Variants in ADCY9 observed in about 807,000 individuals in gnomAD.
ADCY9 encodes the protein adenylate cyclase 9.
In ADCY9, 50 loss-of-function variants were observed where a neutral mutation model predicts 101.5. The observed-to-expected ratio is 0.49, with a 90% CI of 0.39 to 0.62. The LOEUF is 0.62. Among genes scored for constraint, ADCY9 ranks in the 20% least tolerant of loss-of-function variants. The pLI is 0.00. For synonymous variants in ADCY9, 905 were observed against 769.3 expected (o/e 1.18, Z -2.92); for missense variants, 1,662 against 1,800.4 (o/e 0.92, Z 1.39).
chr16:4,093,988 C>T (rs1350003159), intron 2 of ADCY9, among the ~76,000 whole-genome samples: 28 of 152,090 alleles, frequency 1.8e-4, no homozygotes, highest in Admixed American at 1.8e-3. Flanking sequence ...GCTATGAAAG[C>T]AAACATTTCC....
At chr16:4,101,373 G>T (rs951962936) in intron 2 of ADCY9, among the ~76,000 whole-genome samples, 4 of 149,284 alleles carry the variant, frequency 2.7e-5, no homozygotes, top group Non-Finnish European at 4.4e-5. Flanking sequence ...TCGACCACCT[G>T]GGCTCAAACG....
rs953421412 is a variant in ADCY9, at chr16:4,115,622, C to T, written c.-44+68G>A. The T allele has an allele frequency of 6.8e-6, 5 of 730,138 alleles. No individual in the cohort carries two copies. The highest frequency in any genetic ancestry group is 1.1e-5 in the Non-Finnish European group (5 of 467,254). The allele number at this position is 730,138 out of a possible 1,614,324, so 45.2% of individuals were successfully genotyped here. On this transcript the variant is annotated intron_variant, in intron 1 of 10. Coordinates refer to ENST00000294016, the MANE Select transcript of ADCY9 (RefSeq NM_001116.4). This position sits in a 1 kb window ranked among gnomAD's most constrained non-coding sequence, Gnocchi z 6.2. ...CACCATCTGTTCCTGTGGTTCCCGG[C>T]TCAGCGGTGCTCCCACCGCCCCCAC...
At chr16:3,973,978 G>C (rs1347416865) in intron 10 of ADCY9, among the ~76,000 whole-genome samples, 1 of 152,110 alleles carries the variant, frequency 6.6e-6, no homozygotes, top group Non-Finnish European at 1.5e-5. Flanking sequence ...AATTTATTTA[G>C]AATTTATTCT....
chr16:3,973,655 C>T (rs1048270270), intron 10 of ADCY9, among the ~76,000 whole-genome samples: 1 of 151,902 alleles, frequency 6.6e-6, no homozygotes, highest in African/African-American at 2.4e-5. Flanking sequence ...CCATACCTGG[C>T]TAATTTTTAC....
chr16:4,090,743 T>A (rs2056968214), intron 2 of ADCY9, among the ~76,000 whole-genome samples: 1 of 152,006 alleles, frequency 6.6e-6, no homozygotes, highest in African/African-American at 2.4e-5. Context: ...ATACTACTTT[T>A]TTTTCAAGCT....
intron 2 of ADCY9, among the ~76,000 whole-genome samples, chr16:4,044,287 C>A (rs563123957): frequency 3.3e-5 from 5 of 152,056 alleles, no homozygotes; most frequent in Admixed American, 3.3e-4. Context: ...GCGGAGGTTG[C>A]AGTGGGCTGA....
At chr16:3,988,300 TAG>T (rs536930542) in intron 6 of ADCY9, among the ~76,000 whole-genome samples, 1 of 151,504 alleles carries the variant, frequency 6.6e-6, no homozygotes, top group Non-Finnish European at 1.5e-5. Flanking sequence ...GAGCCGGAGT[TAG>T]AGAGAGAGGT....
At chr16:4,055,170 G>A (rs556659384) in intron 2 of ADCY9, among the ~76,000 whole-genome samples, 4 of 152,252 alleles carry the variant, frequency 2.6e-5, no homozygotes, top group Non-Finnish European at 4.4e-5. Flanking sequence ...CTTCCACACC[G>A]GGAAGGGCCC....
chr16:4,113,636 G>T, intron 2 of ADCY9, 114 bp downstream of exon 2: 1 of 1,359,968 alleles, frequency 7.4e-7, no homozygotes, highest in South Asian at 1.4e-5. Flanking sequence ...CCCATGGTAA[G>T]GCATTCTGAG....
chr16:4,051,080 G>T (rs1244984943), intron 2 of ADCY9, among the ~76,000 whole-genome samples: 1 of 152,066 alleles, frequency 6.6e-6, no homozygotes, highest in Admixed American at 6.5e-5. Context: ...GGGTGTGGTG[G>T]CGCACGCCTG....
At chr16:4,087,635 G>A (rs1411564968) in intron 2 of ADCY9, among the ~76,000 whole-genome samples, 2 of 151,788 alleles carry the variant, frequency 1.3e-5, no homozygotes, top group Non-Finnish European at 2.9e-5. Flanking sequence ...GAGTCTGTGG[G>A]CATAAACACT....
rs559120093 is a variant in ADCY9 at position 4,114,953 on chromosome 16, A to G, written c.490T>C (p.Phe164Leu). 1.6e-4 allele frequency: 259 copies of G among 1,614,014 alleles called. 2 individuals carry two copies. The South Asian group carries it at 2.8e-3, about 17-fold the overall frequency. The change falls in exon 2 of 11, where the codon TTC (phenylalanine) becomes CTC (leucine). Residue 164 changes from phenylalanine (F) to leucine (L), a missense_variant. Phe to Leu is a conservative substitution (Grantham distance 22). This residue lies in a region of ADCY9 where 422 missense variants were observed against 392.0 expected (regional missense o/e 1.08). Coordinates refer to ENST00000294016, the MANE Select transcript of ADCY9 (RefSeq NM_001116.4). The surrounding 1 kb of genome is among the most constrained non-coding windows in gnomAD (Gnocchi z 4.3). ...LVCVGFFLFT[F>L]TKLYARHYAW... is the part of the protein sequence containing the mutation. ...TAATGCCGGGCGTACAGCTTGGTGA[A>G]GGTAAACAGAAAGAAGCCCACACAC...
At chr16:4,024,764 C>T (rs1380629570) in intron 2 of ADCY9, among the ~76,000 whole-genome samples, 2 of 152,038 alleles carry the variant, frequency 1.3e-5, no homozygotes, top group Non-Finnish European at 2.9e-5. Context: ...TCCTGGGTTC[C>T]TGGGTTCTGC....
intron 8 of ADCY9, 96 bp downstream of exon 8, chr16:3,979,020 G>T: frequency 3.3e-6 from 5 of 1,526,590 alleles, no homozygotes; most frequent in Middle Eastern, 1.7e-4. Context: ...TGGCCAAAGG[G>T]TTTATTTTTA....
At chr16:4,021,694 G>A (rs1453220548) in intron 2 of ADCY9, among the ~76,000 whole-genome samples, 8 of 152,148 alleles carry the variant, frequency 5.3e-5, no homozygotes, top group Admixed American at 1.3e-4. Context: ...GACAATATTC[G>A]TTCCCCCATC....
intron 2 of ADCY9, among the ~76,000 whole-genome samples, chr16:4,103,198 G>T (rs1597228684): frequency 6.6e-6 from 1 of 152,170 alleles, no homozygotes; most frequent in East Asian, 1.9e-4. Flanking sequence ...TCACACACAT[G>T]AGAATGCGTG....
intron 2 of ADCY9, among the ~76,000 whole-genome samples, chr16:4,048,741 G>A (rs927986889): frequency 2.6e-5 from 4 of 152,114 alleles, no homozygotes; most frequent in Non-Finnish European, 4.4e-5. Flanking sequence ...CTCACACAGC[G>A]TGAGCGTCCA....
intron 2 of ADCY9, among the ~76,000 whole-genome samples, chr16:4,026,389 A>G (rs1888313360): frequency 7.3e-6 from 1 of 137,514 alleles, no homozygotes; most frequent in Non-Finnish European, 1.5e-5. Context: ...ACGCCATTGC[A>G]CTCCAGCCTG....
Position 3,965,723 on chromosome 16 carries a change from T to A in ADCY9, c.*52A>T. 6.6e-7 allele frequency: 1 copy of A among 1,524,508 alleles called. No homozygotes were observed. Among genetic ancestry groups the A allele is most frequent in the African/African-American group, 1.4e-5 (1 of 72,688 alleles). The allele number at this position is 1,524,508 out of a possible 1,614,324, so 94.4% of individuals were successfully genotyped here. A position where few individuals can be genotyped will look rare whatever the true frequency, so the allele number is the denominator to read the frequency against. ...GGAAAGCACAACAGCCAAATACAAA[T>A]ATTACTGTGTTTCGACAAACAGAGC... is the stretch of plus-strand genomic sequence containing the variant. On this transcript the variant is annotated 3_prime_UTR_variant, in exon 11 of 11. Coordinates refer to ENST00000294016, the MANE Select transcript of ADCY9 (RefSeq NM_001116.4).
Sources: gnomAD v4.1 joint callset for allele counts (sites outside exome capture counted in the v4.1 genomes callset) on GRCh38, gnomAD v4.1.1 for gene constraint, gnomAD v4.1.1 regional missense constraint, Gnocchi (gnomAD v3.1) non-coding constraint, MANE v1.5 for transcripts, NCBI Gene and HGNC (gene_info 2026-07-23, HGNC 2026-07-21) for gene names.